Variants in DNAJC10 observed in about 807,000 individuals in gnomAD.
DNAJC10 encodes the protein endoplasmic reticulum disulfide reductase DNAJC10.
Under a neutral mutation model 115.0 loss-of-function variants are expected in DNAJC10, and 101 were observed. The ratio of observed to expected loss-of-function variants is 0.88; its 90% CI spans 0.75 to 1.04. DNAJC10 has a LOEUF of 1.04. Ranked by LOEUF, DNAJC10 falls within the 50% of genes least tolerant of loss-of-function variation. The pLI, the probability that DNAJC10 is intolerant of heterozygous loss-of-function variation, is 0.00. For missense variants in DNAJC10, 981 were observed against 928.8 expected, an observed-to-expected ratio of 1.06 and a Z score of -0.73; for synonymous variants, 307 against 301.5, an observed-to-expected ratio of 1.02 and a Z score of -0.19.
In DNAJC10 at chr2:182,730,099, G is replaced by C. The variant is rs543698682; in HGVS notation, c.727+158G>C. 5.9e-5 allele frequency among the ~76,000 whole-genome samples: 9 copies of C among 152,196 alleles called. No homozygotes were observed. In the East Asian group the frequency reaches 1.7e-3, roughly 29 times the overall value. On this transcript the variant is annotated intron_variant, in intron 8 of 23. Transcript: ENST00000264065. ...AATTGTGTCATTTACTCTGAACTCT[G>C]CTGAATTTAACAAACTAGTTAAATT... is the stretch of plus-strand genomic sequence containing the variant.
chr2:182,769,688 T>C (rs930970781), intron 22 of DNAJC10, among the ~76,000 whole-genome samples: 2 of 152,142 alleles, frequency 1.3e-5, no homozygotes, highest in Admixed American at 6.5e-5. Flanking sequence ...TATTGTAAAT[T>C]TGTTTGAGTT....
intron 12 of DNAJC10, among the ~76,000 whole-genome samples, 156 bp from the exon 13 acceptor site, chr2:182,741,087 A>T (rs571667488): frequency 6.6e-6 from 1 of 152,308 alleles, no homozygotes; most frequent in East Asian, 1.9e-4. Context: ...TATTCTAAGT[A>T]AACTACAAAA....
chr2:182,752,245 G>T, intron 16 of DNAJC10, 57 bp downstream of exon 16: 2 of 892,214 alleles, frequency 2.2e-6, no homozygotes, highest in South Asian at 2.4e-5. Context: ...AGACCTTTTG[G>T]CTGTTTATTA....
At chr2:182,755,246 C>G in intron 17 of DNAJC10, 142 bp downstream of exon 17, 1 of 630,238 alleles carries the variant, frequency 1.6e-6, no homozygotes, top group Non-Finnish European at 2.8e-6. Flanking sequence ...AAGAATTTTT[C>G]TAATGTTTTA....
chr2:182,728,735 T>C, intron 6 of DNAJC10, 77 bp downstream of exon 6: 1 of 1,485,278 alleles, frequency 6.7e-7, no homozygotes, highest in Non-Finnish European at 9.2e-7. Context: ...TTTTTTTTTC[T>C]ATGAATAGTA....
Position 182,751,648 on chromosome 2 carries a change from A to G in DNAJC10, c.1307-10A>G. 1 of 1,606,932 alleles carries G rather than the reference A, an allele frequency of 6.2e-7. No individual in the cohort carries two copies. Among genetic ancestry groups the G allele is most frequent in the Non-Finnish European group, 8.5e-7 (1 of 1,178,230 alleles). On this transcript the variant is annotated splice_polypyrimidine_tract_variant and intron_variant, in intron 14 of 23. Transcript: ENST00000264065. ...ATTTGGATTTGAATTTCTCTCATTC[A>G]CTTTGAAAGGAAAGAAGATTCTATA... is the stretch of plus-strand genomic sequence containing the variant.
chr2:182,741,980 C>A (rs1238418173), intron 13 of DNAJC10, among the ~76,000 whole-genome samples: 2 of 151,702 alleles, frequency 1.3e-5, no homozygotes, highest in East Asian at 3.9e-4. Context: ...TTTTCACAGA[C>A]CTGTAAAAAT....
intron 18 of DNAJC10, among the ~76,000 whole-genome samples, chr2:182,756,697 G>A (rs1418937189): frequency 6.6e-6 from 1 of 151,796 alleles, no homozygotes; most frequent in East Asian, 1.9e-4. Context: ...TGGTCGGGTA[G>A]CAGGGGGCAG....
chr2:182,731,603 C>T (rs923589950), intron 9 of DNAJC10, among the ~76,000 whole-genome samples: 4 of 152,030 alleles, frequency 2.6e-5, no homozygotes, highest in Admixed American at 6.6e-5. Flanking sequence ...CATAGCAAGC[C>T]GTAAACTGTA....
intron 22 of DNAJC10, among the ~76,000 whole-genome samples, chr2:182,766,830 C>T (rs541937126): frequency 1.3e-5 from 2 of 152,074 alleles, no homozygotes; most frequent in East Asian, 1.9e-4. Flanking sequence ...GTCACTTGGG[C>T]GGCCTCTAAT....
intron 5 of DNAJC10, among the ~76,000 whole-genome samples, chr2:182,722,453 G>A (rs547633528): frequency 1.2e-3 from 177 of 152,202 alleles, no homozygotes; most frequent in African/African-American, 3.8e-3. Context: ...AACTTTGTGT[G>A]AAAATGGCCA....
chr2:182,731,165 C>T (rs568895080), intron 9 of DNAJC10, 58 bp downstream of exon 9: 1 of 1,305,374 alleles, frequency 7.7e-7, no homozygotes, highest in Non-Finnish European at 1.1e-6. Context: ...TTTTTGGTGA[C>T]AGTTTTAAGT....
At chr2:182,747,633 A>G (rs1294255921) in intron 14 of DNAJC10, among the ~76,000 whole-genome samples, 2 of 152,148 alleles carry the variant, frequency 1.3e-5, no homozygotes, top group East Asian at 3.9e-4. Context: ...TTTTGGGCTG[A>G]GACAATGTGG....
intron 7 of DNAJC10, among the ~76,000 whole-genome samples, chr2:182,729,332 A>G (rs1235162194): frequency 6.6e-6 from 1 of 152,088 alleles, no homozygotes; most frequent in African/African-American, 2.4e-5. Context: ...TATTTTTAGT[A>G]GAGACGGGGT....
At chr2:182,741,484 G>T (rs1020424895) in intron 13 of DNAJC10, 128 bp downstream of exon 13, 18 of 474,558 alleles carry the variant, frequency 3.8e-5, no homozygotes, top group Non-Finnish European at 6.1e-5. Context: ...AGTGCTTTTA[G>T]TCTTGGTTTG....
At chr2:182,750,246 A>G (rs370144289) in intron 14 of DNAJC10, among the ~76,000 whole-genome samples, 36 of 152,166 alleles carry the variant, frequency 2.4e-4, no homozygotes, top group African/African-American at 8.0e-4. Context: ...TGTGGTAGCA[A>G]TGTAGAAAAT....
chr2:182,789,256 C>T lies in DNAJC10; in HGVS notation c.*12124C>T, dbSNP rs143071931. 227 of 159,312 alleles carry T rather than the reference C, an allele frequency of 1.4e-3. 1 individual carries two copies. The highest frequency in any genetic ancestry group is 3.4e-3 in the East Asian group (18 of 5,360). 9.9% of individuals were successfully genotyped at this position (159,312 alleles called of 1,614,324 possible). On this transcript the variant is annotated 3_prime_UTR_variant, in exon 24 of 24. Transcript: ENST00000264065. ...TCTTGTTTTGAGACGGAGTCTTACTCTGTCCCCCTGGCTGGAGTGCAGTGG... is the reference window on the plus strand; with the variant it reads ...TCTTGTTTTGAGACGGAGTCTTACTTTGTCCCCCTGGCTGGAGTGCAGTGG...
At chr2:182,764,807 G>A (rs1694369351) in intron 22 of DNAJC10, among the ~76,000 whole-genome samples, 2 of 152,134 alleles carry the variant, frequency 1.3e-5, no homozygotes, top group South Asian at 4.1e-4. Context: ...CTCCAAATCT[G>A]GGTATGAGCA....
intron 12 of DNAJC10, 92 bp downstream of exon 12, chr2:182,740,480 T>C: frequency 8.1e-7 from 1 of 1,236,380 alleles, no homozygotes; most frequent in Non-Finnish European, 1.1e-6. Context: ...TTTATTCATC[T>C]CTAGAGAGAA....
Sources: gnomAD v4.1 joint callset for allele counts (sites outside exome capture counted in the v4.1 genomes callset) on GRCh38, gnomAD v4.1.1 for gene constraint, MANE v1.5 for transcripts, NCBI Gene and HGNC (gene_info 2026-07-23, HGNC 2026-07-21) for gene names.